The following MACROD2 variants were observed in gnomAD, a reference collection of about 807,000 sequenced individuals.
MACROD2 encodes mono-ADP ribosylhydrolase 2.
Under a neutral mutation model 70.4 loss-of-function variants are expected in MACROD2, and 36 were observed. The observed-to-expected ratio is 0.51, with a 90% CI of 0.39 to 0.68. The LOEUF is 0.68. Among genes scored for constraint, MACROD2 ranks in the 30% least tolerant of loss-of-function variants. The probability of loss-of-function intolerance (pLI) is 0.00; values close to 1 mark genes in which losing one functional copy is unlikely to be tolerated. For missense variants in MACROD2, 496 were observed against 538.4 expected, an observed-to-expected ratio of 0.92 and a Z score of 0.78; for synonymous variants, 172 against 178.8, an observed-to-expected ratio of 0.96 and a Z score of 0.30.
chr20:15,331,989 G>A (rs1186792156), intron 6 of MACROD2, among the ~76,000 whole-genome samples: 5 of 151,312 alleles, frequency 3.3e-5, no homozygotes, highest in Admixed American at 2.6e-4. Context: ...GCTCACAGAG[G>A]GGTCTTATTT....
At chr20:15,817,446 G>T (rs555614874) in intron 8 of MACROD2, among the ~76,000 whole-genome samples, 1 of 152,166 alleles carries the variant, frequency 6.6e-6, no homozygotes, top group South Asian at 2.1e-4. Context: ...ATTTTGTATT[G>T]GCAGTTTGCT....
At chr20:14,650,194 G>A (rs1332942237) in intron 4 of MACROD2, among the ~76,000 whole-genome samples, 1 of 152,140 alleles carries the variant, frequency 6.6e-6, no homozygotes, top group Non-Finnish European at 1.5e-5. Context: ...CTTTACATGG[G>A]CAAGTCTTCC....
intron 5 of MACROD2, among the ~76,000 whole-genome samples, chr20:15,175,592 C>G (rs1006303287): frequency 1.3e-5 from 2 of 152,154 alleles, no homozygotes; most frequent in Non-Finnish European, 2.9e-5. Flanking sequence ...ATTGACTTAG[C>G]TATTGGAAAA....
intron 3 of MACROD2, among the ~76,000 whole-genome samples, chr20:14,133,013 T>A (rs1422032321): frequency 6.6e-6 from 1 of 152,162 alleles, no homozygotes; most frequent in Non-Finnish European, 1.5e-5. Flanking sequence ...TGTGTGTGTG[T>A]GTGTATATGG....
intron 8 of MACROD2, among the ~76,000 whole-genome samples, chr20:15,830,558 CG>C (rs2064044270): frequency 1.3e-5 from 2 of 152,150 alleles, no homozygotes; most frequent in African/African-American, 4.8e-5. Flanking sequence ...GAATGAGGAG[CG>C]GAAGTACCCA....
intron 8 of MACROD2, among the ~76,000 whole-genome samples, chr20:15,572,256 A>G (rs2048386205): frequency 1.3e-5 from 2 of 152,092 alleles, no homozygotes; most frequent in African/African-American, 2.4e-5. Flanking sequence ...CCTCATATGA[A>G]TCAGTGTTCA....
chr20:15,584,894 A>G (rs1246183256), intron 8 of MACROD2, among the ~76,000 whole-genome samples: 4 of 152,352 alleles, frequency 2.6e-5, no homozygotes, highest in South Asian at 4.1e-4. Context: ...GCCAGTGACT[A>G]TAACCTTCAT....
chr20:15,300,971 T>C (rs1055021685), intron 6 of MACROD2, among the ~76,000 whole-genome samples: 1 of 152,212 alleles, frequency 6.6e-6, no homozygotes, highest in Non-Finnish European at 1.5e-5. Flanking sequence ...AACAGAGGCC[T>C]CTGCTATGAA....
At chr20:14,433,413 A>G (rs184538149) in intron 3 of MACROD2, among the ~76,000 whole-genome samples, 1 of 152,308 alleles carries the variant, frequency 6.6e-6, no homozygotes, top group Admixed American at 6.5e-5. Flanking sequence ...TTAATTTTCT[A>G]GTATGACCAA....
At chr20:15,974,701 C>A (rs748077041) in intron 13 of MACROD2, among the ~76,000 whole-genome samples, 3 of 152,030 alleles carry the variant, frequency 2.0e-5, no homozygotes, top group African/African-American at 7.2e-5. Flanking sequence ...TATCTCTGTA[C>A]CATCCTCTCA....
chr20:14,800,625 A>G (rs531710357), intron 5 of MACROD2, among the ~76,000 whole-genome samples: 3 of 152,232 alleles, frequency 2.0e-5, no homozygotes, highest in African/African-American at 7.2e-5. Flanking sequence ...AAATTCCACC[A>G]ATTAGGGGAT....
At chr20:14,128,890 C>T (rs1185526288) in intron 3 of MACROD2, among the ~76,000 whole-genome samples, 1 of 152,054 alleles carries the variant, frequency 6.6e-6, no homozygotes, top group Non-Finnish European at 1.5e-5. Flanking sequence ...TATTTTAGGC[C>T]CACTTTTGAG....
intron 12 of MACROD2, among the ~76,000 whole-genome samples, chr20:15,939,005 A>G (rs530150877): frequency 1.3e-5 from 2 of 152,302 alleles, no homozygotes; most frequent in African/African-American, 4.8e-5. Flanking sequence ...CTTCAATTCT[A>G]CTAATGCTGA....
intron 8 of MACROD2, among the ~76,000 whole-genome samples, chr20:15,840,400 T>G (rs2051071277): frequency 6.6e-6 from 1 of 152,124 alleles, no homozygotes; most frequent in African/African-American, 2.4e-5. Context: ...GACTCCAAAT[T>G]TTTCTCAGCT....
intron 5 of MACROD2, among the ~76,000 whole-genome samples, chr20:15,043,800 G>T (rs554911879): frequency 4.6e-5 from 7 of 152,204 alleles, no homozygotes; most frequent in East Asian, 1.9e-4. Flanking sequence ...CTCTCCTCGG[G>T]TTTGATATTT....
chr20:15,757,144 A>AT (rs1489053914), intron 8 of MACROD2, among the ~76,000 whole-genome samples: 12 of 152,288 alleles, frequency 7.9e-5, no homozygotes, highest in Admixed American at 5.9e-4. Context: ...CCTTTGCATA[A>AT]TTTTTTTGAA....
Position 15,250,886 on chromosome 20 carries a change from T to A in MACROD2, c.540+20825T>A, listed in dbSNP as rs147341334. Among the ~76,000 whole-genome samples the A allele has an allele frequency of 4.5e-3, 685 of 152,356 alleles. 6 individuals are homozygous for A. The highest frequency in any genetic ancestry group is 0.033 in the South Asian group (159 of 4,826). ...TGGATCCATAATTGAGTATATTGCC[T>A]AACATGTAGCAGGCATTCAGTAAAT... On this transcript the variant is annotated intron_variant, in intron 6 of 17. Coordinates refer to ENST00000684519, the MANE Select transcript of MACROD2 (RefSeq NM_001351661.2).
chr20:14,675,353 C>G (rs2070846863), intron 4 of MACROD2, among the ~76,000 whole-genome samples: 1 of 152,208 alleles, frequency 6.6e-6, no homozygotes, highest in Admixed American at 6.5e-5. Context: ...AACAGCAGAT[C>G]TCTCTGAAGA....
intron 5 of MACROD2, among the ~76,000 whole-genome samples, chr20:14,990,173 C>T (rs1335736421): frequency 6.6e-6 from 1 of 152,018 alleles, no homozygotes; most frequent in Non-Finnish European, 1.5e-5. Flanking sequence ...CAGCTGTTCA[C>T]ATTTCCAAAA....
Sources: gnomAD v4.1 joint callset for allele counts (sites outside exome capture counted in the v4.1 genomes callset) on GRCh38, gnomAD v4.1.1 for gene constraint, MANE v1.5 for transcripts, NCBI Gene and HGNC (gene_info 2026-07-23, HGNC 2026-07-21) for gene names.